SETD7: variants seen among roughly 807,000 people sequenced by gnomAD.
SETD7 encodes histone-lysine N-methyltransferase SETD7.
Under a neutral mutation model 41.8 loss-of-function variants are expected in SETD7, and 16 were observed. The observed-to-expected ratio is 0.38, with a 90% CI of 0.26 to 0.58. The LOEUF (loss-of-function observed/expected upper bound fraction) is 0.58, where lower values mean the gene tolerates loss of function less well. SETD7 is among the 20% of genes least tolerant of loss of function. The pLI is 0.64. For missense variants in SETD7, 346 were observed against 459.7 expected, an observed-to-expected ratio of 0.75 and a Z score of 2.26; for synonymous variants, 163 against 169.7, an observed-to-expected ratio of 0.96 and a Z score of 0.31.
chr4:139,509,630 T>C lies in SETD7; in HGVS notation c.*2033A>G. 1.1e-6 allele frequency: 1 copy of C among 905,996 alleles called. No homozygotes were observed. The highest frequency in any genetic ancestry group is 1.3e-6 in the Non-Finnish European group (1 of 757,570). The allele number at this position is 905,996 out of a possible 1,614,324, so 56.1% of individuals were successfully genotyped here. ...GGCTGCACAACCCACTTGATCGAGG[T>C]TAATGCAAGCCATCTTTCTCCTGAA... On this transcript the variant is annotated 3_prime_UTR_variant, in exon 8 of 8. Transcript: ENST00000274031.
intron 1 of SETD7, among the ~76,000 whole-genome samples, chr4:139,551,336 C>T (rs577862196): frequency 2.1e-4 from 32 of 152,214 alleles, no homozygotes; most frequent in African/African-American, 6.5e-4. Flanking sequence ...TTAAGGTTGC[C>T]GGAGCTAATG....
chr4:139,527,502 G>A lies in SETD7; in HGVS notation c.562+1529C>T, dbSNP rs374478169. Among the ~76,000 whole-genome samples the A allele has an allele frequency of 7.9e-5, 12 of 152,090 alleles. No individual in the cohort carries two copies. In the East Asian group the frequency reaches 2.1e-3, roughly 27 times the overall value. On this transcript the variant is annotated intron_variant, in intron 4 of 7. Coordinates refer to ENST00000274031, the MANE Select transcript of SETD7 (RefSeq NM_030648.4). ...GAGCTCAGGAGCTCAAGGCTGCAGT[G>A]GGCTATGATAACACCAGTCCACTCC...
At chr4:139,542,273 G>A (rs997305720) in intron 2 of SETD7, among the ~76,000 whole-genome samples, 2 of 152,144 alleles carry the variant, frequency 1.3e-5, no homozygotes, top group Non-Finnish European at 2.9e-5. Flanking sequence ...GGGAGAGGTT[G>A]GTCAACAGGT....
At chr4:139,547,078 T>G in intron 1 of SETD7, 29 bp from the exon 2 acceptor site, 1 of 1,612,498 alleles carries the variant, frequency 6.2e-7, no homozygotes, top group South Asian at 1.1e-5. Context: ...AAGGCAAACC[T>G]TAACATCTTC....
chr4:139,523,714 T>C (rs1727242178), intron 4 of SETD7, among the ~76,000 whole-genome samples: 1 of 152,240 alleles, frequency 6.6e-6, no homozygotes, highest in Non-Finnish European at 1.5e-5. Flanking sequence ...TGCTTGGGAA[T>C]CAATAAAATG....
intron 2 of SETD7, among the ~76,000 whole-genome samples, chr4:139,541,608 C>T (rs895029938): frequency 7.9e-5 from 12 of 152,112 alleles, no homozygotes; most frequent in East Asian, 1.9e-4. Context: ...ATAGAGGAGG[C>T]GGGAATGGAC....
chr4:139,530,042 C>A (rs934887595), intron 3 of SETD7, among the ~76,000 whole-genome samples: 2 of 152,138 alleles, frequency 1.3e-5, no homozygotes, highest in Non-Finnish European at 1.5e-5. Context: ...TAATTCTATA[C>A]CTTGATAAGT....
In SETD7 at chr4:139,555,413, AG is replaced by A. The variant is rs1221328922; in HGVS notation, c.40+684del. 1.3e-5 allele frequency among the ~76,000 whole-genome samples: 2 copies of A among 151,046 alleles called. No homozygotes were observed. The highest frequency in any genetic ancestry group is 4.2e-4 in the South Asian group (2 of 4,724). On this transcript the variant is annotated intron_variant, in intron 1 of 7. Coordinates refer to ENST00000274031, the MANE Select transcript of SETD7 (RefSeq NM_030648.4). This position sits in a 1 kb window ranked among gnomAD's most constrained non-coding sequence, Gnocchi z 4.0. ...GCATCCCAGCCAAGCAGGAAGGGGG[AG>A]GGGGAGGCCTGACTGAGTTCGCTCG...
intron 1 of SETD7, among the ~76,000 whole-genome samples, chr4:139,550,780 A>C (rs190853273): frequency 4.6e-5 from 7 of 152,346 alleles, no homozygotes; most frequent in Admixed American, 3.3e-4. Flanking sequence ...AAAAAAGTGT[A>C]TGAATCTACT....
At chr4:139,544,731 A>G (rs1727888549) in intron 2 of SETD7, among the ~76,000 whole-genome samples, 1 of 151,896 alleles carries the variant, frequency 6.6e-6, no homozygotes, top group African/African-American at 2.4e-5. Context: ...ATTCAAACAA[A>G]TCTGCTGGAC....
intron 2 of SETD7, among the ~76,000 whole-genome samples, chr4:139,543,853 A>T (rs1378427807): frequency 6.6e-6 from 1 of 151,392 alleles, no homozygotes; most frequent in African/African-American, 2.4e-5. Flanking sequence ...AGTCCCAGCT[A>T]CTCAGGAGGC....
In SETD7 at chr4:139,509,769, G is replaced by C; in HGVS notation, c.*1894C>G. On this transcript the variant is annotated 3_prime_UTR_variant, in exon 8 of 8. Coordinates refer to ENST00000274031, the MANE Select transcript of SETD7 (RefSeq NM_030648.4). ...AACGGTCTCTTTCTACAGAGTAAGAGTGACCCTATCCTGGTGCCTTTAAAT... is the reference window on the plus strand; with the variant it reads ...AACGGTCTCTTTCTACAGAGTAAGACTGACCCTATCCTGGTGCCTTTAAAT... 7.1e-6 allele frequency: 7 copies of C among 985,490 alleles called. No homozygotes were observed. Among genetic ancestry groups the C allele is most frequent in the Non-Finnish European group, 8.4e-6 (7 of 829,960 alleles). The allele number at this position is 985,490 out of a possible 1,614,324, so 61.0% of individuals were successfully genotyped here. A position where few individuals can be genotyped will look rare whatever the true frequency, so the allele number is the denominator to read the frequency against.
chr4:139,531,782 A>G (rs913027566), intron 3 of SETD7, among the ~76,000 whole-genome samples: 5 of 152,190 alleles, frequency 3.3e-5, no homozygotes, highest in African/African-American at 7.2e-5. Context: ...TTTTAATCAT[A>G]AGGTTTCAGA....
downstream of SETD7, among the ~76,000 whole-genome samples, chr4:139,504,299 T>C (rs1265689147): frequency 3.3e-5 from 5 of 152,232 alleles, no homozygotes; most frequent in African/African-American, 1.2e-4. Flanking sequence ...TTTTGGTTTT[T>C]GTAAATAAAC....
intron 7 of SETD7, among the ~76,000 whole-genome samples, chr4:139,513,518 T>C (rs1463841640): frequency 6.6e-6 from 1 of 152,090 alleles, no homozygotes; most frequent in Admixed American, 6.6e-5. Context: ...GGCATGTCTA[T>C]AGCTTTGGGA....
At chr4:139,526,726 G>T (rs998082762) in intron 4 of SETD7, among the ~76,000 whole-genome samples, 2 of 152,194 alleles carry the variant, frequency 1.3e-5, no homozygotes, top group Non-Finnish European at 2.9e-5. Flanking sequence ...TATAGTAAAT[G>T]TTAGAGCTAG....
intron 2 of SETD7, among the ~76,000 whole-genome samples, chr4:139,542,045 T>C (rs1454639142): frequency 6.6e-6 from 1 of 152,238 alleles, no homozygotes; most frequent in East Asian, 1.9e-4. Flanking sequence ...CACAATGGTA[T>C]ACTATTCAGC....
At position 139,496,665 on chromosome 4, in the gene SETD7, G is replaced by T. The variant is rs185413861; in HGVS notation, c.921-144C>A. On this transcript the variant is annotated intron_variant, in intron 7 of 7. Transcript: ENST00000506866. ...CTAAATCTTCTCCATCCTCTCTTTT[G>T]CTGGCTCTGACTTTTCACTGGGTCA... 77 of 606,344 alleles carry T rather than the reference G, an allele frequency of 1.3e-4. 1 individual carries two copies. The African/African-American group carries it at 1.3e-3, about 10-fold the overall frequency. 37.6% of individuals were successfully genotyped at this position (606,344 alleles called of 1,614,324 possible).
chr4:139,509,700 G>A lies in SETD7; in HGVS notation c.*1963C>T. 1 of 985,490 alleles carries A rather than the reference G, an allele frequency of 1.0e-6. No individual in the cohort carries two copies. The highest frequency in any genetic ancestry group is 1.2e-6 in the Non-Finnish European group (1 of 829,970). The allele number at this position is 985,490 out of a possible 1,614,324, so 61.0% of individuals were successfully genotyped here. ...CACATTTAAATTAAAGCACCTATCA[G>A]AATGCAAGTCCAGAGGCCCTGGCCC... On this transcript the variant is annotated 3_prime_UTR_variant, in exon 8 of 8. Coordinates refer to ENST00000274031, the MANE Select transcript of SETD7 (RefSeq NM_030648.4).
Sources: allele counts gnomAD v4.1 joint callset (sites outside exome capture counted in the v4.1 genomes callset), GRCh38; gene constraint gnomAD v4.1.1; non-coding constraint Gnocchi (gnomAD v3.1); transcripts MANE v1.5; gene names NCBI Gene and HGNC (gene_info 2026-07-23, HGNC 2026-07-21).